The following ZNF613 variants were observed in gnomAD, a reference collection of about 807,000 sequenced individuals.
ZNF613 encodes the protein zinc finger protein 613.
In ZNF613, 8 loss-of-function variants were observed where a neutral mutation model predicts 14.3. That is an observed-to-expected ratio of 0.56 (90% CI 0.33 to 1.01). The LOEUF (loss-of-function observed/expected upper bound fraction) is 1.01, where lower values mean the gene tolerates loss of function less well. Ranked by LOEUF, ZNF613 falls within the 50% of genes least tolerant of loss-of-function variation. ZNF613 has a pLI of 0.03. For synonymous variants in ZNF613, 228 were observed against 254.5 expected, an observed-to-expected ratio of 0.90 and a Z score of 0.99; for missense variants, 656 against 741.9, an observed-to-expected ratio of 0.88 and a Z score of 1.35.
Position 51,945,657 on chromosome 19 carries a change from G to A in ZNF613, c.1774G>A (p.Ala592Thr). The A allele has an allele frequency of 6.2e-7, 1 of 1,614,160 alleles. No individual in the cohort carries two copies. Among genetic ancestry groups the A allele is most frequent in the Non-Finnish European group, 8.5e-7 (1 of 1,180,026 alleles). ...QTSLTNSAFQ[A>T]ESKVAIVSQP... ...CTCATTAACTAACAGTGCGTTCCAA[G>A]CAGAGAGCAAAGTAGCCATTGTGAG... Residue 592 changes from alanine to threonine, a missense_variant, in exon 6 of 6, where the codon GCA becomes ACA. Transcript: ENST00000293471.
At chr19:51,934,323 G>GT (rs903888742) in intron 2 of ZNF613, among the ~76,000 whole-genome samples, 10 of 151,558 alleles carry the variant, frequency 6.6e-5, no homozygotes, top group East Asian at 5.8e-4. Context: ...ATATGCTTTT[G>GT]TTTTTTTTGT....
Position 51,945,822 on chromosome 19 carries a change from A to T in ZNF613, c.*85A>T, listed in dbSNP as rs779497692. ...ACAAAAAACACAGAGGAACAAACTG[A>T]TATATTCAAGGTGGAAAGCCCTTGA... On this transcript the variant is annotated 3_prime_UTR_variant, in exon 6 of 6. Transcript: ENST00000293471. 2.2e-6 allele frequency: 3 copies of T among 1,378,198 alleles called. No individual in the cohort carries two copies. Among genetic ancestry groups the T allele is most frequent in the South Asian group, 1.3e-5 (1 of 75,622 alleles). The allele number at this position is 1,378,198 out of a possible 1,614,324, so 85.4% of individuals were successfully genotyped here. A position where few individuals can be genotyped will look rare whatever the true frequency, so the allele number is the denominator to read the frequency against.
intron 3 of ZNF613, among the ~76,000 whole-genome samples, chr19:51,938,550 T>C (rs2122816808): frequency 6.6e-6 from 1 of 152,182 alleles, no homozygotes; most frequent in East Asian, 1.9e-4. Context: ...GGATTGGCAG[T>C]AGGGAGTTGA....
In ZNF613 at chr19:51,931,606, T is replaced by C. The variant is rs542163939; in HGVS notation, c.-194+1710T>C. On this transcript the variant is annotated intron_variant, in intron 2 of 5. Coordinates refer to ENST00000293471, the MANE Select transcript of ZNF613 (RefSeq NM_001031721.4). ...TTTATAGTTTCATAGAACTTTTTTT[T>C]CTTCATTCCTAGAACTTCTGTAGGA... Among the ~76,000 whole-genome samples the C allele has an allele frequency of 2.6e-5, 4 of 152,364 alleles. No individual in the cohort carries two copies. The East Asian group carries it at 5.8e-4, about 22-fold the overall frequency.
intron 1 of ZNF613, 41 bp downstream of exon 1, chr19:51,927,581 G>A (rs943232437): frequency 3.3e-5 from 5 of 152,798 alleles, no homozygotes; most frequent in African/African-American, 1.2e-4. Flanking sequence ...GGGGAGGAGG[G>A]TGTCTGTGGG....
chr19:51,940,492 AG>A, intron 4 of ZNF613, 124 bp from the exon 5 acceptor site: 2 of 1,494,576 alleles, frequency 1.3e-6, no homozygotes, highest in Non-Finnish European at 1.8e-6. Flanking sequence ...CCCCCTTTAG[AG>A]GGAAAATCCC....
chr19:51,935,892 C>T, intron 2 of ZNF613, 136 bp from the exon 3 acceptor site: 1 of 287,662 alleles, frequency 3.5e-6, no homozygotes, highest in Non-Finnish European at 6.4e-6. Flanking sequence ...TGTTGTTGCC[C>T]CAGGGTGGGT....
chr19:51,945,245 A>G lies in ZNF613; in HGVS notation c.1362A>G (p.Thr454=). The change falls in exon 6 of 6, where the codon ACA becomes ACG. Residue 454 remains threonine (T), a synonymous_variant. Transcript: ENST00000293471. The part of the protein sequence containing the change: ...ISHQRFHTGK[T]PFVCTECGKS... ...ATCAGAGATTTCACACAGGAAAGACACCCTTTGTATGTACTGAGTGTGGAA... is the reference window on the plus strand; with the variant it reads ...ATCAGAGATTTCACACAGGAAAGACGCCCTTTGTATGTACTGAGTGTGGAA... The G allele has an allele frequency of 6.2e-7, 1 of 1,614,136 alleles. No individual in the cohort carries two copies. Among genetic ancestry groups the G allele is most frequent in the African/African-American group, 1.3e-5 (1 of 75,032 alleles).
chr19:51,944,149 T>C lies in ZNF613; in HGVS notation c.266T>C (p.Met89Thr). The C allele has an allele frequency of 6.5e-7, 1 of 1,546,028 alleles. No individual in the cohort carries two copies. The highest frequency in any genetic ancestry group is 8.7e-7 in the Non-Finnish European group (1 of 1,147,122). ...AAGAAAGTTGACAATCATCTACAGA[T>C]GCACTCACAAAAGCAAAGATGTCTG... ...EIKKVDNHLQ[M>T]HSQKQRCLKR... The change falls in exon 6 of 6, where the codon ATG (methionine) becomes ACG (threonine). Residue 89 changes from methionine (M) to threonine (T), a missense_variant. Met to Thr is a moderately conservative substitution (Grantham distance 81). Coordinates refer to ENST00000293471, the MANE Select transcript of ZNF613 (RefSeq NM_001031721.4).
chr19:51,928,644 C>T (rs1356008961), intron 1 of ZNF613, among the ~76,000 whole-genome samples: 1 of 152,022 alleles, frequency 6.6e-6, no homozygotes, highest in Non-Finnish European at 1.5e-5. Flanking sequence ...GCGAATTGCT[C>T]GAGCCTAGAA....
At chr19:51,940,145 C>A in intron 3 of ZNF613, 64 bp from the exon 4 acceptor site, 1 of 1,585,574 alleles carries the variant, frequency 6.3e-7, no homozygotes, top group South Asian at 1.1e-5. Flanking sequence ...GAACAATGTT[C>A]TTCACATTTC....
At chr19:51,931,061 A>G (rs1394614015) in intron 2 of ZNF613, among the ~76,000 whole-genome samples, 1 of 152,204 alleles carries the variant, frequency 6.6e-6, no homozygotes, top group Non-Finnish European at 1.5e-5. Flanking sequence ...ACTGAGGTAC[A>G]TGTATTTTTA....
At chr19:51,937,170 G>A (rs2085311029) in intron 3 of ZNF613, among the ~76,000 whole-genome samples, 1 of 152,164 alleles carries the variant, frequency 6.6e-6, no homozygotes, top group Non-Finnish European at 1.5e-5. Context: ...GTGCTTTCCT[G>A]AGCTCTGTGA....
chr19:51,945,897 G>T lies in ZNF613; in HGVS notation c.*160G>T. 4.1e-6 allele frequency: 3 copies of T among 725,606 alleles called. No homozygotes were observed. The Admixed American group carries it at 8.6e-5, about 21-fold the overall frequency. 44.9% of individuals were successfully genotyped at this position (725,606 alleles called of 1,614,324 possible). A position where few individuals can be genotyped will look rare whatever the true frequency, so the allele number is the denominator to read the frequency against. ...TATACTCAGAGAAAAATAGTATGAA[G>T]TGGAGACTGGGAAATTCTTTTATGG... is the stretch of plus-strand genomic sequence containing the variant. On this transcript the variant is annotated 3_prime_UTR_variant, in exon 6 of 6. Transcript: ENST00000293471.
At chr19:51,938,848 G>A (rs1165414793) in intron 3 of ZNF613, among the ~76,000 whole-genome samples, 2 of 150,858 alleles carry the variant, frequency 1.3e-5, no homozygotes, top group African/African-American at 2.4e-5. Context: ...TTAAGTAAGT[G>A]CACTCTGTGA....
At chr19:51,930,475 T>C (rs2085255782) in intron 2 of ZNF613, among the ~76,000 whole-genome samples, 1 of 152,158 alleles carries the variant, frequency 6.6e-6, no homozygotes. Flanking sequence ...TTGGCCAGGC[T>C]GGTCTCAAAC....
intron 1 of ZNF613, among the ~76,000 whole-genome samples, chr19:51,928,703 A>C (rs2085237850): frequency 6.6e-6 from 1 of 152,036 alleles, no homozygotes; most frequent in African/African-American, 2.4e-5. Context: ...AAAAATACAA[A>C]TATTAACTGG....
intron 2 of ZNF613, among the ~76,000 whole-genome samples, chr19:51,932,290 G>A (rs575590972): frequency 1.3e-5 from 2 of 150,614 alleles, no homozygotes; most frequent in Non-Finnish European, 3.0e-5. Flanking sequence ...TGGCCTTTTC[G>A]GCTCCCAACA....
intron 3 of ZNF613, among the ~76,000 whole-genome samples, chr19:51,938,146 CA>C (rs2085319128): frequency 6.6e-6 from 1 of 151,872 alleles, no homozygotes; most frequent in Non-Finnish European, 1.5e-5. Flanking sequence ...GGGTCCAAGG[CA>C]AGGTTACCCA....
Sources: gnomAD v4.1 joint callset for allele counts (sites outside exome capture counted in the v4.1 genomes callset) on GRCh38, gnomAD v4.1.1 for gene constraint, MANE v1.5 for transcripts, NCBI Gene and HGNC (gene_info 2026-07-23, HGNC 2026-07-21) for gene names.